SPTBN1: variants seen among roughly 807,000 people sequenced by gnomAD.
The protein encoded by SPTBN1 is spectrin beta, non-erythrocytic 1.
Under a neutral mutation model 266.4 loss-of-function variants are expected in SPTBN1, and 32 were observed. The observed-to-expected ratio is 0.12, with a 90% CI of 0.09 to 0.16. The LOEUF (loss-of-function observed/expected upper bound fraction) is 0.16, where lower values mean the gene tolerates loss of function less well. Among genes scored for constraint, SPTBN1 ranks in the 10% least tolerant of loss-of-function variants. The pLI is 1.00. For synonymous variants in SPTBN1, 1,336 were observed against 1,162.2 expected (o/e 1.15, Z -3.04); for missense variants, 2,296 against 3,067.1 (o/e 0.75, Z 5.94).
intron 35 of SPTBN1, 150 bp from the exon 36 acceptor site, chr2:54,668,201 T>C: frequency 1.5e-6 from 1 of 685,888 alleles, no homozygotes; most frequent in East Asian, 2.7e-5. Context: ...TCTCCTGTAC[T>C]GATAAGGCAG....
At position 54,558,349 on chromosome 2, in the gene SPTBN1, C is replaced by T. The variant is rs1412142640; in HGVS notation, c.148+31783C>T. On this transcript the variant is annotated intron_variant, in intron 2 of 35. Coordinates refer to ENST00000356805, the MANE Select transcript of SPTBN1 (RefSeq NM_003128.3). This position sits in a 1 kb window ranked among gnomAD's most constrained non-coding sequence, Gnocchi z 4.6. ...CCGCCCAGCACACGGCGAGTGGCTC[C>T]TGATAAAATTACAAACCGGCGGCCG... 8 of 998,182 alleles carry T rather than the reference C, an allele frequency of 8.0e-6. No individual in the cohort carries two copies. The highest frequency in any genetic ancestry group is 9.5e-6 in the Non-Finnish European group (8 of 838,274). 61.8% of individuals were successfully genotyped at this position (998,182 alleles called of 1,614,324 possible). A position where few individuals can be genotyped will look rare whatever the true frequency, so the allele number is the denominator to read the frequency against.
At chr2:54,552,610 C>G (rs1311748787) in intron 2 of SPTBN1, among the ~76,000 whole-genome samples, 1 of 152,168 alleles carries the variant, frequency 6.6e-6, no homozygotes, top group African/African-American at 2.4e-5. Flanking sequence ...GCGCCCACCA[C>G]CACACCTGGC....
Position 54,540,937 on chromosome 2 carries a change from A to G in SPTBN1, c.148+14371A>G, listed in dbSNP as rs527967255. 2.0e-5 allele frequency among the ~76,000 whole-genome samples: 3 copies of G among 152,372 alleles called. No individual in the cohort carries two copies. In the South Asian group the frequency reaches 6.2e-4, roughly 32 times the overall value. On this transcript the variant is annotated intron_variant, in intron 2 of 35. Transcript: ENST00000356805. This position sits in a 1 kb window ranked among gnomAD's most constrained non-coding sequence, Gnocchi z 5.6. ...AGGCCATTCATCTGCCCCTCACTGT[A>G]GAGCACAAGTGGAGGAGAATGTTGT...
chr2:54,609,741 C>T (rs1677089524), intron 3 of SPTBN1, among the ~76,000 whole-genome samples: 2 of 152,118 alleles, frequency 1.3e-5, no homozygotes, highest in Admixed American at 6.5e-5. Flanking sequence ...AACTTTAAAA[C>T]GCAGCCTCTT....
intron 1 of SPTBN1, among the ~76,000 whole-genome samples, chr2:54,485,904 C>G (rs1273592596): frequency 2.0e-5 from 3 of 149,706 alleles, no homozygotes; most frequent in African/African-American, 7.4e-5. Context: ...AGGTGAGGAG[C>G]GTCTCTGCCC....
intron 1 of SPTBN1, among the ~76,000 whole-genome samples, chr2:54,485,901 G>A (rs1225918919): frequency 6.6e-6 from 1 of 150,868 alleles, no homozygotes; most frequent in African/African-American, 2.4e-5. Flanking sequence ...GGGAGGTGAG[G>A]AGCGTCTCTG....
At chr2:54,562,805 G>C (rs1673402974) in intron 2 of SPTBN1, among the ~76,000 whole-genome samples, 1 of 151,406 alleles carries the variant, frequency 6.6e-6, no homozygotes, top group African/African-American at 2.4e-5. Flanking sequence ...TGATTGGTCT[G>C]CCTCGGCCTC....
At chr2:54,583,744 A>T (rs78154250) in intron 2 of SPTBN1, among the ~76,000 whole-genome samples, 1,709 of 152,306 alleles carry the variant, frequency 0.011, 33 homozygotes, top group African/African-American at 0.039. Flanking sequence ...TTATTTTAGC[A>T]TATTCATTGA....
At chr2:54,499,964 A>C (rs986419099) in intron 1 of SPTBN1, among the ~76,000 whole-genome samples, 1 of 152,224 alleles carries the variant, frequency 6.6e-6, no homozygotes, top group Non-Finnish European at 1.5e-5. Context: ...GAAGGCGCAA[A>C]TGGTAATTGA....
intron 2 of SPTBN1, among the ~76,000 whole-genome samples, chr2:54,568,511 T>A (rs957593732): frequency 6.6e-6 from 1 of 152,154 alleles, no homozygotes; most frequent in Admixed American, 6.5e-5. Context: ...ATAAAAATAA[T>A]CTTGAGTATA....
intron 1 of SPTBN1, among the ~76,000 whole-genome samples, chr2:54,468,328 TAAAAAATA>T (rs201962039): frequency 0.016 from 2,317 of 148,938 alleles, 74 homozygotes; most frequent in African/African-American, 0.054. Flanking sequence ...AATAAAAAAA[TAAAAAATA>T]AAAAAATAAA....
At chr2:54,471,375 C>T (rs1330664083) in intron 1 of SPTBN1, among the ~76,000 whole-genome samples, 1 of 152,084 alleles carries the variant, frequency 6.6e-6, no homozygotes, top group Admixed American at 6.5e-5. Flanking sequence ...TAAGGCATGA[C>T]ATTTCTCCCC....
intron 1 of SPTBN1, among the ~76,000 whole-genome samples, chr2:54,461,707 A>G (rs1192311359): frequency 6.6e-6 from 1 of 152,224 alleles, no homozygotes; most frequent in Non-Finnish European, 1.5e-5. Flanking sequence ...TGTTTACATT[A>G]TTAACCATTT....
At chr2:54,468,353 T>G (rs1693746736) in intron 1 of SPTBN1, among the ~76,000 whole-genome samples, 1 of 151,716 alleles carries the variant, frequency 6.6e-6, no homozygotes, top group Admixed American at 6.6e-5. Flanking sequence ...TAAAAAAATA[T>G]GTGTGTATAT....
At chr2:54,517,717 C>G (rs1295157190) in intron 1 of SPTBN1, among the ~76,000 whole-genome samples, 1 of 151,676 alleles carries the variant, frequency 6.6e-6, no homozygotes, top group Non-Finnish European at 1.5e-5. Context: ...GCTATCTCAG[C>G]TCACTGCAAC....
chr2:54,624,710 T>C, intron 10 of SPTBN1, 94 bp from the exon 11 acceptor site: 3 of 1,538,736 alleles, frequency 1.9e-6, no homozygotes, highest in Non-Finnish European at 2.6e-6. Flanking sequence ...TCAGGTCCTT[T>C]TGAGAAATAT....
chr2:54,585,423 C>T lies in SPTBN1; in HGVS notation c.149-13669C>T, dbSNP rs542738376. Among the ~76,000 whole-genome samples, 504 of 127,632 alleles carry T rather than the reference C, an allele frequency of 3.9e-3. 3 individuals carry two copies. The highest frequency in any genetic ancestry group is 3.6e-3 in the South Asian group (16 of 4,498). 83.7% of individuals were successfully genotyped at this position (127,632 alleles called of 152,430 possible). A position where few individuals can be genotyped will look rare whatever the true frequency, so the allele number is the denominator to read the frequency against. ...TCATTTTTTCCTCCAGTTTTTCTGT[C>T]CTCCTCTATTAAAACAAGGCAATGT... On this transcript the variant is annotated intron_variant, in intron 2 of 35. Transcript: ENST00000356805.
At chr2:54,579,448 C>A (rs767415031) in intron 2 of SPTBN1, among the ~76,000 whole-genome samples, 1 of 71,426 alleles carries the variant, frequency 1.4e-5, no homozygotes, top group Non-Finnish European at 2.5e-5. Context: ...ATCTTTCACA[C>A]TCACCCATAG....
At chr2:54,616,428 C>T in intron 5 of SPTBN1, 130 bp downstream of exon 5, 2 of 660,842 alleles carry the variant, frequency 3.0e-6, no homozygotes, top group Admixed American at 3.1e-5. Flanking sequence ...AACTCGCAAG[C>T]AGTTGATATG....
Sources: allele counts gnomAD v4.1 joint callset (sites outside exome capture counted in the v4.1 genomes callset), GRCh38; gene constraint gnomAD v4.1.1; non-coding constraint Gnocchi (gnomAD v3.1); transcripts MANE v1.5; gene names NCBI Gene and HGNC (gene_info 2026-07-23, HGNC 2026-07-21).